The following CDK12 variants were observed in gnomAD, a reference collection of about 807,000 sequenced individuals.
CDK12 encodes cyclin-dependent kinase 12.
A neutral mutation model predicts 133.8 loss-of-function variants in CDK12; 17 were observed. The observed-to-expected ratio is 0.13, with a 90% confidence interval of 0.09 to 0.19. CDK12 has a LOEUF of 0.19. CDK12 is among the 10% of genes least tolerant of loss of function. The pLI is 1.00. For synonymous variants in CDK12, 694 were observed against 683.6 expected, an observed-to-expected ratio of 1.02 and a Z score of -0.24; for missense variants, 1,508 against 1,818.7, an observed-to-expected ratio of 0.83 and a Z score of 3.11.
intron 6 of CDK12, among the ~76,000 whole-genome samples, chr17:39,505,202 C>G (rs1270338953): frequency 1.5e-5 from 2 of 136,802 alleles, no homozygotes; most frequent in Non-Finnish European, 3.1e-5. Context: ...GCACTCCAGC[C>G]TGGCAACAGA....
At chr17:39,510,114 CTT>C (rs762953806) in intron 7 of CDK12, among the ~76,000 whole-genome samples, 90 of 125,450 alleles carry the variant, frequency 7.2e-4, no homozygotes, top group African/African-American at 2.3e-3. Context: ...CAATCTCTCT[CTT>C]TTTTTTTTTT....
chr17:39,485,125 G>A (rs544692798), intron 2 of CDK12, among the ~76,000 whole-genome samples: 46 of 148,842 alleles, frequency 3.1e-4, no homozygotes, highest in Non-Finnish European at 5.0e-4. Context: ...AGCTGAGATC[G>A]CGCCACTGCA....
upstream of CDK12, among the ~76,000 whole-genome samples, chr17:39,547,614 A>G (rs1404447894): frequency 1.3e-5 from 2 of 152,234 alleles, no homozygotes; most frequent in African/African-American, 2.4e-5. Context: ...ATAGATGGCC[A>G]TAAAGCAGAA....
intron 6 of CDK12, among the ~76,000 whole-genome samples, chr17:39,504,975 A>G (rs2053000600): frequency 6.6e-6 from 1 of 151,186 alleles, no homozygotes; most frequent in Non-Finnish European, 1.5e-5. Context: ...TCACACCTGT[A>G]ATCCCAGCAC....
chr17:39,492,263 A>C lies in CDK12; in HGVS notation c.2109-488A>C, dbSNP rs371814989. ...AGGCGCCTGCCACCACGCCCGGCTA[A>C]TTTTTTGTATATTTAGTAGAGACGG... On this transcript the variant is annotated intron_variant, in intron 3 of 13. Coordinates refer to ENST00000447079, the MANE Select transcript of CDK12 (RefSeq NM_016507.4). Among the ~76,000 whole-genome samples, 86 of 147,748 alleles carry C rather than the reference A, an allele frequency of 5.8e-4. 1 individual carries two copies. The East Asian group carries it at 0.013, about 23-fold the overall frequency.
chr17:39,525,166 AAATTT>A (rs1177200918), intron 12 of CDK12, among the ~76,000 whole-genome samples: 7 of 152,236 alleles, frequency 4.6e-5, no homozygotes, highest in Admixed American at 2.6e-4. Flanking sequence ...TAGGTAAGCC[AAATTT>A]AATTTAAGGT....
chr17:39,467,209 C>A (rs562832849), intron 1 of CDK12, among the ~76,000 whole-genome samples: 115 of 151,966 alleles, frequency 7.6e-4, no homozygotes, highest in Middle Eastern at 6.8e-3. Context: ...GATCTCTTGA[C>A]CTCAGGATCT....
chr17:39,523,366 T>G (rs1400110692), intron 11 of CDK12, among the ~76,000 whole-genome samples: 3 of 151,922 alleles, frequency 2.0e-5, no homozygotes, highest in Admixed American at 6.6e-5. Context: ...TCCCAGCTAC[T>G]CAGGGAGACT....
chr17:39,522,198 C>T (rs1293066847), intron 11 of CDK12, among the ~76,000 whole-genome samples: 1 of 152,024 alleles, frequency 6.6e-6, no homozygotes, highest in African/African-American at 2.4e-5. Context: ...CAAGCGTTTC[C>T]TGCCTCAGCC....
chr17:39,547,324 T>TG (rs1385898475), upstream of CDK12, among the ~76,000 whole-genome samples: 1 of 151,922 alleles, frequency 6.6e-6, no homozygotes, highest in African/African-American at 2.4e-5. Flanking sequence ...TTATTAGAGA[T>TG]GGGGTTTCTC....
chr17:39,529,469 C>T (rs1331380573), intron 13 of CDK12, among the ~76,000 whole-genome samples: 3 of 152,038 alleles, frequency 2.0e-5, no homozygotes, highest in African/African-American at 7.2e-5. Flanking sequence ...AAATATGCTT[C>T]CATAGGGAAA....
At chr17:39,548,202 G>A (rs2052029073), upstream of CDK12, among the ~76,000 whole-genome samples, 1 of 152,052 alleles carries the variant, frequency 6.6e-6, no homozygotes, top group Admixed American at 6.5e-5. Context: ...GGCTCTCTGG[G>A]CCCCAGAGAG....
At chr17:39,512,530 T>C (rs2053563304) in intron 8 of CDK12, among the ~76,000 whole-genome samples, 2 of 152,260 alleles carry the variant, frequency 1.3e-5, no homozygotes, top group South Asian at 4.1e-4. Context: ...CTTTTTATTA[T>C]GGCCTTATTA....
At chr17:39,563,905 C>G (rs1055054250) in intron 3 of CDK12, among the ~76,000 whole-genome samples, 2 of 152,178 alleles carry the variant, frequency 1.3e-5, no homozygotes, top group African/African-American at 2.4e-5. Context: ...CTCACTTATA[C>G]TTGACATACG....
Position 39,471,465 on chromosome 17 carries a change from C to A in CDK12, c.1633C>A (p.Pro545Thr). The A allele has an allele frequency of 6.2e-7, 1 of 1,613,316 alleles. No homozygotes were observed. Among genetic ancestry groups the A allele is most frequent in the Non-Finnish European group, 8.5e-7 (1 of 1,179,558 alleles). The change falls in exon 2 of 14, where the codon CCA becomes ACA. Residue 545 changes from proline to threonine, a missense_variant. Pro to Thr is a conservative substitution (Grantham distance 38). Coordinates refer to ENST00000447079, the MANE Select transcript of CDK12 (RefSeq NM_016507.4). Reference protein sequence around the residue: ...PPPPLPTTTPPPQTPPLPPLP... With the variant: ...PPPPLPTTTPTPQTPPLPPLP... ...ACCCCCTCTACCAACTACTACCCCT[C>A]CACCTCAGACACCCCCTTTGCCACC...
rs148557024 is a variant in CDK12 at position 39,554,122 on chromosome 17, C to A, written n.357-2164C>A. On this transcript the variant is annotated intron_variant and non_coding_transcript_variant, in intron 2 of 3. Coordinates refer to the CDK12 transcript ENST00000558240. ...GTAGCTCAGTGCCCCTGGGCACTTT[C>A]CAGAAGAGGGGTTTCTAGGCAAACA... Among the ~76,000 whole-genome samples, 1,196 of 152,278 alleles carry A rather than the reference C, an allele frequency of 7.9e-3. 14 individuals are homozygous for A. The highest frequency in any genetic ancestry group is 0.011 in the Non-Finnish European group (770 of 68,022).
At chr17:39,483,233 A>G (rs2145630247) in intron 2 of CDK12, among the ~76,000 whole-genome samples, 1 of 151,782 alleles carries the variant, frequency 6.6e-6, no homozygotes, top group East Asian at 1.9e-4. Context: ...TTTTGATAAA[A>G]GTTTGTAAAT....
At chr17:39,515,992 A>T (rs1044849636) in intron 9 of CDK12, among the ~76,000 whole-genome samples, 184 bp downstream of exon 9, 5 of 152,216 alleles carry the variant, frequency 3.3e-5, no homozygotes, top group African/African-American at 1.2e-4. Context: ...GTTTTATTTC[A>T]CCTAATTTTT....
intron 5 of CDK12, among the ~76,000 whole-genome samples, chr17:39,496,712 C>T (rs1478019970): frequency 6.6e-6 from 1 of 151,696 alleles, no homozygotes; most frequent in Non-Finnish European, 1.5e-5. Flanking sequence ...AAAAAAAAAT[C>T]CCAAAAAACA....
Sources: gnomAD v4.1 joint callset for allele counts (sites outside exome capture counted in the v4.1 genomes callset) on GRCh38, gnomAD v4.1.1 for gene constraint, MANE v1.5 for transcripts, NCBI Gene and HGNC (gene_info 2026-07-23, HGNC 2026-07-21) for gene names.